WNK1: variants seen among roughly 807,000 people sequenced by gnomAD.
The protein encoded by WNK1 is WNK lysine deficient protein kinase 1.
A neutral mutation model predicts 222.8 loss-of-function variants in WNK1; 38 were observed. The observed-to-expected ratio is 0.17, with a 90% confidence interval of 0.13 to 0.22. WNK1 has a LOEUF of 0.22. Ranked by LOEUF, WNK1 falls within the 10% of genes least tolerant of loss-of-function variation. The pLI, the probability that WNK1 is intolerant of heterozygous loss-of-function variation, is 1.00. For synonymous variants in WNK1, 1,090 were observed against 1,092.9 expected (o/e 1.00, Z 0.05); for missense variants, 2,348 against 2,918.4 (o/e 0.80, Z 4.50).
intron 26 of WNK1, chr12:901,428 C>T: frequency 2.4e-6 from 1 of 415,368 alleles, no homozygotes; most frequent in Non-Finnish European, 4.0e-6. Flanking sequence ...ATCTGACCTT[C>T]CCCCCAGAAG....
intron 1 of WNK1, among the ~76,000 whole-genome samples, chr12:771,538 G>A (rs1236669516): frequency 3.9e-5 from 6 of 152,046 alleles, no homozygotes; most frequent in Admixed American, 2.0e-4. Context: ...GGGTTCAAGC[G>A]ATTCTCCTGA....
chr12:883,341 A>T (rs539059866), intron 15 of WNK1, 54 bp from the exon 16 acceptor site: 1 of 1,590,450 alleles, frequency 6.3e-7, no homozygotes, highest in Non-Finnish European at 8.6e-7. Flanking sequence ...CATAAAAGTG[A>T]CATAAAGTTT....
At chr12:826,714 A>G (rs1252470172) in intron 2 of WNK1, among the ~76,000 whole-genome samples, 1 of 152,244 alleles carries the variant, frequency 6.6e-6, no homozygotes, top group Non-Finnish European at 1.5e-5. Flanking sequence ...ACCAATCACT[A>G]ATTAAATATT....
At chr12:762,725 A>G (rs371552896) in intron 1 of WNK1, among the ~76,000 whole-genome samples, 1 of 147,116 alleles carries the variant, frequency 6.8e-6, no homozygotes. Flanking sequence ...TTCTTAGGGG[A>G]TAATGGTTAT....
rs560836712 is a variant in WNK1 at position 896,519 on chromosome 12, C to T, written c.6032C>T (p.Ser2011Phe). The change falls in exon 24 of 28, where the codon TCT becomes TTT. Residue 2011 changes from serine (S) to phenylalanine (F), a missense_variant. By Grantham distance (155) the Ser-to-Phe change is radical. Coordinates refer to ENST00000315939, the MANE Select transcript of WNK1 (RefSeq NM_018979.4). ...LSEPSHLNGP[S>F]SDPEAAFLSR... ...GAGCCTTCACATCTAAATGGGCCGTCTTCTGACCCGGAGGCCGCTTTTTTA... is the reference window on the plus strand; with the variant it reads ...GAGCCTTCACATCTAAATGGGCCGTTTTCTGACCCGGAGGCCGCTTTTTTA... 2 of 1,613,758 alleles carry T rather than the reference C, an allele frequency of 1.2e-6. No individual in the cohort carries two copies. The highest frequency in any genetic ancestry group is 2.2e-5 in the South Asian group (2 of 91,048).
intron 22 of WNK1, among the ~76,000 whole-genome samples, chr12:892,842 T>TG (rs964620104): frequency 1.3e-5 from 2 of 152,310 alleles, no homozygotes; most frequent in Admixed American, 6.5e-5. Flanking sequence ...GTACAGCCTC[T>TG]GGGGGGATCA....
At chr12:759,193 C>T (rs1277767349) in intron 1 of WNK1, among the ~76,000 whole-genome samples, 1 of 146,874 alleles carries the variant, frequency 6.8e-6, no homozygotes, top group African/African-American at 2.4e-5. Context: ...TAGCTGTACT[C>T]AATTATCATT....
intron 9 of WNK1, among the ~76,000 whole-genome samples, chr12:874,952 G>A (rs1952475824): frequency 6.6e-6 from 1 of 152,036 alleles, no homozygotes; most frequent in Admixed American, 6.6e-5. Context: ...AAGACTTTAG[G>A]AAAAAGGAGG....
At chr12:823,374 C>A (rs143346537) in intron 2 of WNK1, among the ~76,000 whole-genome samples, 1 of 152,238 alleles carries the variant, frequency 6.6e-6, no homozygotes, top group East Asian at 1.9e-4. Flanking sequence ...TCTTTCTGCT[C>A]TTTTCTGTCT....
intron 1 of WNK1, among the ~76,000 whole-genome samples, chr12:812,343 A>T (rs2154008195): frequency 6.6e-6 from 1 of 152,290 alleles, no homozygotes; most frequent in Admixed American, 6.5e-5. Flanking sequence ...AAAGACATTT[A>T]TGGAATTCAT....
Position 885,830 on chromosome 12 carries a change from G to A in WNK1, c.5026G>A (p.Val1676Ile), listed in dbSNP as rs145791746. Residue 1676 changes from valine (V) to isoleucine (I), a missense_variant, in exon 19 of 28, where the codon GTC (valine) becomes ATC (isoleucine). Val to Ile is a conservative substitution (Grantham distance 29). Around this residue, in one of 13 missense-constraint regions of WNK1, gnomAD observed 1,144 missense variants for 1,273.6 expected, o/e 0.90. Transcript: ENST00000315939. The stretch of plus-strand genomic sequence containing the variant: ...CTCATCTGGAGCTCAGCATGCCTCT[G>A]TCTCACTGGAGACCTCACTAGTCAT... ...HSSSGAQHAS[V>I]SLETSLVIES... 2 of 1,614,072 alleles carry A rather than the reference G, an allele frequency of 1.2e-6. No homozygotes were observed. Among genetic ancestry groups the A allele is most frequent in the African/African-American group, 2.7e-5 (2 of 74,926 alleles).
rs1186815723 is a variant in WNK1 at position 897,479 on chromosome 12, A to G, written c.6246A>G (p.Lys2082=). ...AATTATGTTTGGTTATCTTTCACAGACATCTCAAAGAGATTCAGGACCTGC... is the reference window on the plus strand; with the variant it reads ...AATTATGTTTGGTTATCTTTCACAGGCATCTCAAAGAGATTCAGGACCTGC... The part of the protein sequence containing the change: ...LKLELRRLRD[K]HLKEIQDLQS... The change falls in exon 25 of 28, where the codon AAA becomes AAG. Residue 2082 remains lysine (K), a splice_region_variant and synonymous_variant. Coordinates refer to ENST00000315939, the MANE Select transcript of WNK1 (RefSeq NM_018979.4). 1 of 1,564,986 alleles carries G rather than the reference A, an allele frequency of 6.4e-7. No homozygotes were observed. The highest frequency in any genetic ancestry group is 2.2e-5 in the East Asian group (1 of 44,614).
At chr12:817,581 A>G (rs1239744808) in intron 2 of WNK1, among the ~76,000 whole-genome samples, 1 of 152,106 alleles carries the variant, frequency 6.6e-6, no homozygotes, top group Non-Finnish European at 1.5e-5. Context: ...CTCTATGTAT[A>G]TTTACATTGA....
chr12:890,842 A>G (rs754110756), intron 22 of WNK1, among the ~76,000 whole-genome samples: 1 of 152,226 alleles, frequency 6.6e-6, no homozygotes, highest in African/African-American at 2.4e-5. Context: ...CTGGATATAT[A>G]GGGATAGAAG....
At chr12:867,657 A>G (rs1187177191) in intron 8 of WNK1, 1 of 582,372 alleles carries the variant, frequency 1.7e-6, no homozygotes, top group East Asian at 2.9e-5. Flanking sequence ...ATCTAAAGCA[A>G]AGAGCCCACA....
intron 1 of WNK1, among the ~76,000 whole-genome samples, chr12:801,856 A>G (rs1945909214): frequency 6.6e-6 from 1 of 152,186 alleles, no homozygotes; most frequent in South Asian, 2.1e-4. Context: ...TCAGAGAAAT[A>G]CTTATACATT....
intron 2 of WNK1, among the ~76,000 whole-genome samples, chr12:825,791 G>A (rs1171486870): frequency 1.3e-5 from 2 of 152,130 alleles, no homozygotes; most frequent in African/African-American, 4.8e-5. Context: ...ATATATCACA[G>A]TATTATAGAT....
chr12:844,672 G>A (rs887487739), intron 4 of WNK1, among the ~76,000 whole-genome samples: 4 of 152,026 alleles, frequency 2.6e-5, no homozygotes, highest in African/African-American at 9.7e-5. Flanking sequence ...AGGAAATACT[G>A]TCTAGATTTT....
intron 26 of WNK1, among the ~76,000 whole-genome samples, chr12:905,054 A>G (rs1389083744): frequency 6.6e-6 from 1 of 152,150 alleles, no homozygotes; most frequent in African/African-American, 2.4e-5. Context: ...ATAATAGGTT[A>G]TTGTTAGTAG....
Sources: allele counts gnomAD v4.1 joint callset (sites outside exome capture counted in the v4.1 genomes callset), GRCh38; gene constraint gnomAD v4.1.1; regional missense constraint gnomAD v4.1.1; transcripts MANE v1.5; gene names NCBI Gene and HGNC (gene_info 2026-07-23, HGNC 2026-07-21).